Variants in CADM2 observed in about 807,000 individuals in gnomAD.
CADM2 encodes the protein immunoglobulin superfamily member 4D.
Under a neutral mutation model 49.8 loss-of-function variants are expected in CADM2, and 12 were observed. The observed-to-expected ratio is 0.24, with a 90% CI of 0.15 to 0.39. The LOEUF (loss-of-function observed/expected upper bound fraction) is 0.39. Among genes scored for constraint, CADM2 ranks in the 10% least tolerant of loss-of-function variants. The pLI is 1.00. For missense variants in CADM2, 378 were observed against 492.3 expected (o/e 0.77, Z 2.20); for synonymous variants, 214 against 175.4 (o/e 1.22, Z -1.74).
At chr3:85,721,759 T>A (rs2067512602) in intron 1 of CADM2, among the ~76,000 whole-genome samples, 1 of 152,188 alleles carries the variant, frequency 6.6e-6, no homozygotes, top group Non-Finnish European at 1.5e-5. Flanking sequence ...TGCTCCCAGG[T>A]CTTGGCTCCC....
At chr3:85,706,269 A>G (rs1027241402) in intron 1 of CADM2, among the ~76,000 whole-genome samples, 1 of 152,180 alleles carries the variant, frequency 6.6e-6, no homozygotes, top group African/African-American at 2.4e-5. Flanking sequence ...CTCCCAATTT[A>G]CTTTTAGATA....
At chr3:85,917,723 A>T (rs1477497526) in intron 6 of CADM2, among the ~76,000 whole-genome samples, 1 of 152,132 alleles carries the variant, frequency 6.6e-6, no homozygotes, top group African/African-American at 2.4e-5. Context: ...TGGTAGCTTG[A>T]TGGGGATGGC....
At chr3:85,678,095 C>A (rs1382805643) in intron 1 of CADM2, among the ~76,000 whole-genome samples, 1 of 152,142 alleles carries the variant, frequency 6.6e-6, no homozygotes, top group East Asian at 1.9e-4. Context: ...ATTTGCTGTA[C>A]TACGTGGGAT....
In CADM2 at chr3:85,886,885, A is replaced by G. The variant is rs1264539425; in HGVS notation, c.529+558A>G. On this transcript the variant is annotated intron_variant, in intron 5 of 9. Coordinates refer to ENST00000383699, the MANE Select transcript of CADM2 (RefSeq NM_001167675.2). ...TAAACTCCCTCTCTCTCTGTCACACACACACACTCAAACATACATTCTTTA... is the reference window on the plus strand; with the variant it reads ...TAAACTCCCTCTCTCTCTGTCACACGCACACACTCAAACATACATTCTTTA... 6.6e-5 allele frequency among the ~76,000 whole-genome samples: 10 copies of G among 152,306 alleles called. No individual in the cohort carries two copies. The East Asian group carries it at 7.7e-4, about 12-fold the overall frequency.
chr3:85,196,906 C>G (rs1317982319), intron 1 of CADM2, among the ~76,000 whole-genome samples: 1 of 151,830 alleles, frequency 6.6e-6, no homozygotes, highest in Non-Finnish European at 1.5e-5. Flanking sequence ...TCAGTTACTT[C>G]TTTGTTGATG....
At chr3:85,704,922 G>T (rs1459757401) in intron 1 of CADM2, among the ~76,000 whole-genome samples, 2 of 149,438 alleles carry the variant, frequency 1.3e-5, no homozygotes, top group Admixed American at 1.3e-4. Context: ...GCAGTGGCAC[G>T]ATCTTGGCTC....
intron 2 of CADM2, among the ~76,000 whole-genome samples, chr3:85,728,739 G>T (rs1285434643): frequency 6.6e-6 from 1 of 152,138 alleles, no homozygotes; most frequent in Non-Finnish European, 1.5e-5. Flanking sequence ...ATTGGAGAGA[G>T]GAATGTGTTC....
chr3:85,674,391 T>C (rs181314169), intron 1 of CADM2, among the ~76,000 whole-genome samples: 19 of 152,278 alleles, frequency 1.2e-4, no homozygotes, highest in African/African-American at 3.4e-4. Flanking sequence ...ATGATTTATT[T>C]GGTTTTAAAT....
At chr3:86,013,249 C>A in intron 8 of CADM2, 1 of 1,473,626 alleles carries the variant, frequency 6.8e-7, no homozygotes, top group Admixed American at 1.8e-5. Flanking sequence ...AATAGCAATG[C>A]TCAGAACCCC....
chr3:85,546,504 C>T (rs1381109216), intron 1 of CADM2, among the ~76,000 whole-genome samples: 1 of 151,860 alleles, frequency 6.6e-6, no homozygotes, highest in African/African-American at 2.4e-5. Context: ...AAATAAGATA[C>T]CCTAAATATA....
intron 7 of CADM2, among the ~76,000 whole-genome samples, chr3:85,949,969 C>T (rs1723247980): frequency 6.6e-6 from 1 of 150,972 alleles, no homozygotes; most frequent in Non-Finnish European, 1.5e-5. Context: ...TATAGTGTCA[C>T]ATTGTTCTTA....
intron 1 of CADM2, among the ~76,000 whole-genome samples, chr3:85,410,059 C>T (rs141518660): frequency 2.6e-5 from 4 of 152,092 alleles, no homozygotes; most frequent in Non-Finnish European, 5.9e-5. Flanking sequence ...CCTGGTTAAT[C>T]ATTAGTTCTT....
intron 1 of CADM2, among the ~76,000 whole-genome samples, chr3:84,979,201 A>T (rs1351283726): frequency 1.3e-5 from 2 of 152,214 alleles, no homozygotes; most frequent in Admixed American, 1.3e-4. Context: ...TTAATCTGAC[A>T]AAAGTGTTAT....
rs2067409271 is a variant in CADM2 at position 85,719,138 on chromosome 3, A to T, written c.62-7384A>T. On this transcript the variant is annotated intron_variant, in intron 1 of 9. Transcript: ENST00000383699. ...ATATTGGTCAGGGTGGAAATATTCC[A>T]TGTTCTTAAGACAGCATTTCATAGC... Among the ~76,000 whole-genome samples the T allele has an allele frequency of 1.3e-5, 2 of 152,012 alleles. 1 individual carries two copies. The highest frequency in any genetic ancestry group is 1.3e-4 in the Admixed American group (2 of 15,240).
chr3:85,887,278 G>A (rs1353352027), intron 5 of CADM2, among the ~76,000 whole-genome samples: 1 of 151,946 alleles, frequency 6.6e-6, no homozygotes. Flanking sequence ...TGTAGAGATC[G>A]TGCTGTGTTG....
chr3:86,041,750 C>T (rs1735973329), intron 8 of CADM2, among the ~76,000 whole-genome samples: 2 of 152,178 alleles, frequency 1.3e-5, no homozygotes, highest in African/African-American at 4.8e-5. Context: ...ATCTACAGAA[C>T]TTTCCCCCCA....
At chr3:85,626,662 T>G (rs568582081) in intron 1 of CADM2, among the ~76,000 whole-genome samples, 1 of 152,212 alleles carries the variant, frequency 6.6e-6, no homozygotes, top group African/African-American at 2.4e-5. Context: ...AAATAGCAAT[T>G]ATTAACTCAA....
At chr3:85,369,581 C>A (rs990541089) in intron 1 of CADM2, among the ~76,000 whole-genome samples, 1 of 152,148 alleles carries the variant, frequency 6.6e-6, no homozygotes, top group Non-Finnish European at 1.5e-5. Context: ...ACCAGCCTGA[C>A]CAACATGGAG....
chr3:85,186,224 GAGAC>G (rs1247536217), intron 1 of CADM2, among the ~76,000 whole-genome samples: 2 of 152,100 alleles, frequency 1.3e-5, no homozygotes, highest in African/African-American at 4.8e-5. Context: ...GGTGGGAAAT[GAGAC>G]AAATTCCTCT....
Sources: allele counts gnomAD v4.1 joint callset (sites outside exome capture counted in the v4.1 genomes callset), GRCh38; gene constraint gnomAD v4.1.1; transcripts MANE v1.5; gene names NCBI Gene and HGNC (gene_info 2026-07-23, HGNC 2026-07-21).